Variants in LHFPL3 observed in about 807,000 individuals in gnomAD.
LHFPL3 encodes LHFPL tetraspan subfamily member 3, also known as LHFPL tetraspan subfamily member 3 protein.
In LHFPL3, 5 loss-of-function variants were observed where a neutral mutation model predicts 19.3. The ratio of observed to expected loss-of-function variants is 0.26; its 90% confidence interval spans 0.14 to 0.54. The LOEUF is 0.54. LHFPL3 is among the 20% of genes least tolerant of loss of function. The pLI is 0.94. For missense variants in LHFPL3, 249 were observed against 307.4 expected (o/e 0.81, Z 1.42); for synonymous variants, 133 against 126.2 (o/e 1.05, Z -0.36).
At position 104,864,761 on chromosome 7, in the gene LHFPL3, C is replaced by G. The variant is rs569095599; in HGVS notation, c.683-41426C>G. Among the ~76,000 whole-genome samples the G allele has an allele frequency of 2.0e-5, 3 of 152,354 alleles. No individual in the cohort carries two copies. The South Asian group carries it at 6.2e-4, about 32-fold the overall frequency. On this transcript the variant is annotated intron_variant, in intron 2 of 2. Coordinates refer to ENST00000424859, the MANE Select transcript of LHFPL3 (RefSeq NM_199000.3). ...AGAGAGTAGTGGTTCTACCAGCACACAGCTGGAGATCTGAGAACAGACAGA... is the reference window on the plus strand; with the variant it reads ...AGAGAGTAGTGGTTCTACCAGCACAGAGCTGGAGATCTGAGAACAGACAGA...
chr7:104,848,633 G>A (rs1249895078), intron 2 of LHFPL3, among the ~76,000 whole-genome samples: 1 of 122,620 alleles, frequency 8.2e-6, no homozygotes, highest in African/African-American at 2.6e-5. Flanking sequence ...AAGGGAGGGA[G>A]GGAGAGGAAG....
intron 1 of LHFPL3, among the ~76,000 whole-genome samples, chr7:104,595,036 T>A (rs1790814003): frequency 2.0e-5 from 3 of 152,228 alleles, no homozygotes; most frequent in Non-Finnish European, 4.4e-5. Flanking sequence ...GAAGCCTACT[T>A]CTGTCAACTT....
chr7:104,350,727 T>C (rs1790157044), intron 1 of LHFPL3, among the ~76,000 whole-genome samples: 1 of 151,846 alleles, frequency 6.6e-6, no homozygotes, highest in African/African-American at 2.4e-5. Context: ...GAAGAGTGGG[T>C]GATAGTGAGT....
At chr7:104,801,581 T>C (rs1035654663) in intron 2 of LHFPL3, among the ~76,000 whole-genome samples, 2 of 152,208 alleles carry the variant, frequency 1.3e-5, no homozygotes, top group African/African-American at 2.4e-5. Context: ...GTTTTTGTTT[T>C]TGTTTTTGAG....
At chr7:104,905,547 C>T (rs1326681110) in intron 2 of LHFPL3, among the ~76,000 whole-genome samples, 2 of 152,074 alleles carry the variant, frequency 1.3e-5, no homozygotes, top group East Asian at 1.9e-4. Context: ...CATGGTGAAA[C>T]CCTGTCTCTA....
chr7:104,693,528 C>A (rs549392920), intron 1 of LHFPL3, among the ~76,000 whole-genome samples: 1 of 152,074 alleles, frequency 6.6e-6, no homozygotes, highest in Non-Finnish European at 1.5e-5. Flanking sequence ...CATGATAGTG[C>A]GTGAGTCCTC....
chr7:104,420,514 T>C (rs996367943), intron 1 of LHFPL3, among the ~76,000 whole-genome samples: 1 of 152,024 alleles, frequency 6.6e-6, no homozygotes, highest in Non-Finnish European at 1.5e-5. Context: ...GTGATTTCAC[T>C]TAAGCTGTAC....
intron 1 of LHFPL3, among the ~76,000 whole-genome samples, chr7:104,331,816 G>T (rs1305716048): frequency 6.6e-6 from 1 of 152,008 alleles, no homozygotes; most frequent in African/African-American, 2.4e-5. Context: ...CAGGCGTGGT[G>T]GTGGGTGCCT....
In LHFPL3 at chr7:104,413,803, T is replaced by TA. The variant is rs1327666280; in HGVS notation, c.445+84587dup. Among the ~76,000 whole-genome samples the TA allele has an allele frequency of 1.1e-4, 16 of 152,164 alleles. No individual in the cohort carries two copies. The East Asian group carries it at 2.9e-3, about 28-fold the overall frequency. On this transcript the variant is annotated intron_variant, in intron 1 of 2. Coordinates refer to ENST00000424859, the MANE Select transcript of LHFPL3 (RefSeq NM_199000.3). Reference sequence around the variant, plus strand: ...TTGTTCTTAGTATTTTAAGGCCATTTAAAAAAAATAACCGTACTCTATTCC... The same window carrying TA: ...TTGTTCTTAGTATTTTAAGGCCATTTAAAAAAAAATAACCGTACTCTATTCC...
chr7:104,717,778 A>G (rs137942454), intron 1 of LHFPL3, among the ~76,000 whole-genome samples: 12 of 152,328 alleles, frequency 7.9e-5, no homozygotes, highest in Admixed American at 3.3e-4. Flanking sequence ...GAACTACCAT[A>G]TGATTCAGCA....
intron 1 of LHFPL3, among the ~76,000 whole-genome samples, chr7:104,684,942 C>T (rs1467256712): frequency 1.3e-5 from 2 of 152,192 alleles, no homozygotes; most frequent in Admixed American, 6.5e-5. Flanking sequence ...GAAAATCATT[C>T]TCATTCTATT....
intron 1 of LHFPL3, among the ~76,000 whole-genome samples, chr7:104,718,065 CAAACACTTCAGG>C (rs1793423116): frequency 6.6e-6 from 1 of 152,106 alleles, no homozygotes; most frequent in African/African-American, 2.4e-5. Flanking sequence ...CACAGAAGGA[CAAACACTTCAGG>C]TATCTATCTA....
At chr7:104,570,577 C>A (rs1450981291) in intron 1 of LHFPL3, among the ~76,000 whole-genome samples, 1 of 152,192 alleles carries the variant, frequency 6.6e-6, no homozygotes, top group African/African-American at 2.4e-5. Context: ...AATTCTCTAT[C>A]TGAAGCAAAC....
At chr7:104,827,391 G>T (rs1790845781) in intron 2 of LHFPL3, among the ~76,000 whole-genome samples, 1 of 151,944 alleles carries the variant, frequency 6.6e-6, no homozygotes, top group Non-Finnish European at 1.5e-5. Flanking sequence ...TAGATAAATG[G>T]ATGTTTTTTA....
At chr7:104,882,578 A>G (rs944337758) in intron 2 of LHFPL3, among the ~76,000 whole-genome samples, 2 of 152,204 alleles carry the variant, frequency 1.3e-5, no homozygotes, top group African/African-American at 4.8e-5. Flanking sequence ...TGAAATGTCC[A>G]GAATGGAAAC....
chr7:104,837,954 T>C (rs1278441399), intron 2 of LHFPL3, among the ~76,000 whole-genome samples: 1 of 152,240 alleles, frequency 6.6e-6, no homozygotes, highest in Non-Finnish European at 1.5e-5. Context: ...TCAGAAACTA[T>C]ATAAACATGT....
intron 1 of LHFPL3, among the ~76,000 whole-genome samples, chr7:104,570,279 C>G (rs565661478): frequency 9.9e-5 from 15 of 152,218 alleles, no homozygotes; most frequent in African/African-American, 3.4e-4. Context: ...TTGCTTACAC[C>G]CCTCCTGGTG....
At chr7:104,726,436 A>T (rs1793593668) in intron 1 of LHFPL3, among the ~76,000 whole-genome samples, 1 of 151,960 alleles carries the variant, frequency 6.6e-6, no homozygotes, top group Admixed American at 6.6e-5. Context: ...GCCGTCACCT[A>T]GGTATTAAGC....
intron 1 of LHFPL3, among the ~76,000 whole-genome samples, chr7:104,405,464 A>G (rs976363821): frequency 6.6e-6 from 1 of 152,192 alleles, no homozygotes; most frequent in Non-Finnish European, 1.5e-5. Context: ...GGTAGTTAAC[A>G]TTTACTAGGG....
Sources: allele counts gnomAD v4.1 joint callset (sites outside exome capture counted in the v4.1 genomes callset), GRCh38; gene constraint gnomAD v4.1.1; transcripts MANE v1.5; gene names NCBI Gene and HGNC (gene_info 2026-07-23, HGNC 2026-07-21).